The following DOT1L variants were observed in gnomAD, a reference collection of about 807,000 sequenced individuals.
DOT1L encodes the protein DOT1 like histone lysine methyltransferase.
Under a neutral mutation model 153.3 loss-of-function variants are expected in DOT1L, and 33 were observed. The observed-to-expected ratio is 0.22, with a 90% CI of 0.16 to 0.29. The LOEUF (loss-of-function observed/expected upper bound fraction) is 0.29. DOT1L is among the 10% of genes least tolerant of loss of function. The pLI, the probability that DOT1L is intolerant of heterozygous loss-of-function variation, is 1.00. For synonymous variants in DOT1L, 1,135 were observed against 965.1 expected (o/e 1.18, Z -3.26); for missense variants, 1,847 against 2,119.9 (o/e 0.87, Z 2.53).
rs778756042 is a variant in DOT1L, at chr19:2,197,188, A to G, written c.651+2611A>G. Among the ~76,000 whole-genome samples, 2 of 152,138 alleles carry G rather than the reference A, an allele frequency of 1.3e-5. No individual in the cohort carries two copies. The highest frequency in any genetic ancestry group is 2.9e-5 in the Non-Finnish European group (2 of 68,020). Reference sequence around the variant, plus strand: ...GGCTTCTGTTCTGCTGTCTTTGACCAGGACTTGCGCATCCAGGGCTGTGGG... The same window carrying G: ...GGCTTCTGTTCTGCTGTCTTTGACCGGGACTTGCGCATCCAGGGCTGTGGG... On this transcript the variant is annotated intron_variant, in intron 7 of 27. Transcript: ENST00000398665. This position sits in a 1 kb window ranked among gnomAD's most constrained non-coding sequence, Gnocchi z 4.1.
At chr19:2,192,094 T>G (rs969388139) in intron 5 of DOT1L, among the ~76,000 whole-genome samples, 3 of 152,202 alleles carry the variant, frequency 2.0e-5, no homozygotes, top group Non-Finnish European at 2.9e-5. Context: ...TGGACCTCGA[T>G]GGACATGTGA....
At position 2,226,706 on chromosome 19, in the gene DOT1L, G is replaced by T. The variant is rs2024347580; in HGVS notation, c.4185G>T (p.Pro1395=). Residue 1395 remains proline, a synonymous_variant, in exon 27 of 28, where the codon CCG becomes CCT. Coordinates refer to ENST00000398665, the MANE Select transcript of DOT1L (RefSeq NM_032482.3). ...AGGAGGCAGGGGAGGGCGGCCTACC[G>T]CTGTGCGGGCCCACGGACAAGACCC... The part of the protein sequence containing the change: ...RGKEAGEGGL[P]LCGPTDKTPL... The T allele has an allele frequency of 7.0e-6, 11 of 1,569,050 alleles. No homozygotes were observed. Among genetic ancestry groups the T allele is most frequent in the African/African-American group, 1.3e-5 (1 of 74,230 alleles).
rs370237255 is a variant in DOT1L at position 2,189,914 on chromosome 19, A to G, written c.264+119A>G. Reference sequence around the variant, plus strand: ...CCCCTTAGAGCCCCTGGGGATTGGAATGTGCAGCGTGGGGGGACGATGGGC... The same window carrying G: ...CCCCTTAGAGCCCCTGGGGATTGGAGTGTGCAGCGTGGGGGGACGATGGGC... On this transcript the variant is annotated intron_variant, in intron 4 of 27. Coordinates refer to ENST00000398665, the MANE Select transcript of DOT1L (RefSeq NM_032482.3). 40 of 1,154,238 alleles carry G rather than the reference A, an allele frequency of 3.5e-5. No homozygotes were observed. In the African/African-American group the frequency reaches 4.1e-4, roughly 12 times the overall value. The allele number at this position is 1,154,238 out of a possible 1,614,324, so 71.5% of individuals were successfully genotyped here.
At chr19:2,223,170 T>C in intron 24 of DOT1L, 111 bp from the exon 25 acceptor site, 1 of 1,193,190 alleles carries the variant, frequency 8.4e-7, no homozygotes, top group Non-Finnish European at 1.2e-6. Flanking sequence ...GGCATCAGTT[T>C]CCTCAGGAGA....
chr19:2,213,299 G>T (rs1479664826), intron 16 of DOT1L: 13 of 464,876 alleles, frequency 2.8e-5, no homozygotes, highest in Non-Finnish European at 4.7e-5. Context: ...AGTCCAGGTG[G>T]GGTGGCAGGT....
chr19:2,202,593 G>T (rs913911161), intron 8 of DOT1L, 107 bp from the exon 9 acceptor site: 5 of 1,108,274 alleles, frequency 4.5e-6, no homozygotes, highest in Admixed American at 1.9e-5. Context: ...GGTGGCGGGC[G>T]GGTGTGGGCA....
intron 1 of DOT1L, among the ~76,000 whole-genome samples, chr19:2,165,356 G>A (rs1383979330): frequency 6.6e-6 from 1 of 152,154 alleles, no homozygotes; most frequent in Non-Finnish European, 1.5e-5. Flanking sequence ...GAGAGCGCTG[G>A]GGAGCCCGGG....
rs887307006 is a variant in DOT1L at position 2,185,727 on chromosome 19, A to G, written c.126-128A>G. ...GAGCTTGCAGTGAGCCAAGATCACG[A>G]CACTGCACTCCAGCCTGGGCAACAG... On this transcript the variant is annotated intron_variant, in intron 2 of 27. Coordinates refer to ENST00000398665, the MANE Select transcript of DOT1L (RefSeq NM_032482.3). 1.2e-5 allele frequency: 11 copies of G among 947,424 alleles called. No homozygotes were observed. The African/African-American group carries it at 1.5e-4, about 13-fold the overall frequency. The allele number at this position is 947,424 out of a possible 1,614,324, so 58.7% of individuals were successfully genotyped here. A position where few individuals can be genotyped will look rare whatever the true frequency, so the allele number is the denominator to read the frequency against.
rs144012798 is a variant in DOT1L, at chr19:2,223,217, G to T, written c.3391-64G>T. ...AGACAGGAGCCTCCTGGGGCGGGGG[G>T]GCTCTCCTGCCTTGGGGTCCCGGGT... On this transcript the variant is annotated intron_variant, in intron 24 of 27. Coordinates refer to ENST00000398665, the MANE Select transcript of DOT1L (RefSeq NM_032482.3). The T allele has an allele frequency of 6.1e-4, 957 of 1,571,784 alleles. 4 individuals are homozygous for T. In the African/African-American group the frequency reaches 0.012, roughly 19 times the overall value.
Position 2,217,726 on chromosome 19 carries a change from G to A in DOT1L, c.2545-46G>A, listed in dbSNP as rs755269084. On this transcript the variant is annotated intron_variant, in intron 21 of 27. Transcript: ENST00000398665. The surrounding 1 kb of genome is among the most constrained non-coding windows in gnomAD (Gnocchi z 7.3). ...CTGTGGCTGTGGTCCCTGTGTCCTGGAGGGGTTTGTTGACCCACGACTGGG... is the reference window on the plus strand; with the variant it reads ...CTGTGGCTGTGGTCCCTGTGTCCTGAAGGGGTTTGTTGACCCACGACTGGG... 2 of 1,570,998 alleles carry A rather than the reference G, an allele frequency of 1.3e-6. No individual in the cohort carries two copies. The highest frequency in any genetic ancestry group is 3.7e-5 in the Admixed American group (2 of 54,140).
In DOT1L at chr19:2,222,313, C is replaced by T; in HGVS notation, c.3144C>T (p.Thr1048=). The T allele has an allele frequency of 1.9e-6, 3 of 1,613,030 alleles. No individual in the cohort carries two copies. Among genetic ancestry groups the T allele is most frequent in the African/African-American group, 1.3e-5 (1 of 75,052 alleles). ...ESEAKRRIVF[T]ITTGAGSAKQ... is the part of the protein sequence containing the mutation. ...AAGCCAAGAGGAGGATTGTGTTCACCATCACCACTGGTGCGGGCAGTGCCA... is the reference window on the plus strand; with the variant it reads ...AAGCCAAGAGGAGGATTGTGTTCACTATCACCACTGGTGCGGGCAGTGCCA... Residue 1048 remains threonine (T), a synonymous_variant, in exon 24 of 28, where the codon ACC becomes ACT. Coordinates refer to ENST00000398665, the MANE Select transcript of DOT1L (RefSeq NM_032482.3). The surrounding 1 kb of genome is among the most constrained non-coding windows in gnomAD (Gnocchi z 6.5).
At chr19:2,175,605 G>C (rs1030845063) in intron 1 of DOT1L, among the ~76,000 whole-genome samples, 1 of 152,198 alleles carries the variant, frequency 6.6e-6, no homozygotes, top group Non-Finnish European at 1.5e-5. Flanking sequence ...GAGGTGGGTG[G>C]ATCATCTGAG....
intron 7 of DOT1L, among the ~76,000 whole-genome samples, chr19:2,195,792 G>A (rs1305390635): frequency 1.3e-5 from 2 of 152,228 alleles, no homozygotes; most frequent in African/African-American, 4.8e-5. Context: ...AGGTGCCTGC[G>A]ACGACCCAGT....
At chr19:2,206,070 C>T (rs892362898) in intron 9 of DOT1L, among the ~76,000 whole-genome samples, 2 of 150,918 alleles carry the variant, frequency 1.3e-5, no homozygotes, top group Admixed American at 6.6e-5. Flanking sequence ...GATCTCGACT[C>T]ACTTGCAGCT....
In DOT1L at chr19:2,206,715, T is replaced by C; in HGVS notation, c.788-14T>C. 4 of 1,613,694 alleles carry C rather than the reference T, an allele frequency of 2.5e-6. No homozygotes were observed. Among genetic ancestry groups the C allele is most frequent in the Non-Finnish European group, 3.4e-6 (4 of 1,179,710 alleles). On this transcript the variant is annotated splice_polypyrimidine_tract_variant and intron_variant, in intron 9 of 27. Transcript: ENST00000398665. ...CTCTCTCCTGTGTGGCAGTAAGCAG[T>C]GTCTGTGTTTCAGGTGGCAGAATCG...
In DOT1L at chr19:2,174,383, C is replaced by A. The variant is rs532566241; in HGVS notation, c.82-6330C>A. On this transcript the variant is annotated intron_variant, in intron 1 of 27. Coordinates refer to ENST00000398665, the MANE Select transcript of DOT1L (RefSeq NM_032482.3). ...CCTGTGTGGACCTTGGGTTGAGGGT[C>A]AAGTCTAAAAATGCTCTGTCAGGTT... Among the ~76,000 whole-genome samples the A allele has an allele frequency of 3.3e-5, 5 of 152,116 alleles. No individual in the cohort carries two copies. The East Asian group carries it at 9.6e-4, about 29-fold the overall frequency.
chr19:2,191,384 C>T lies in DOT1L; in HGVS notation c.493+144C>T, dbSNP rs1008304385. The T allele has an allele frequency of 5.5e-5, 46 of 831,842 alleles. No homozygotes were observed. The highest frequency in any genetic ancestry group is 1.4e-4 in the Admixed American group (6 of 42,874). 51.5% of individuals were successfully genotyped at this position (831,842 alleles called of 1,614,324 possible). On this transcript the variant is annotated intron_variant, in intron 5 of 27. Transcript: ENST00000398665. This position sits in a 1 kb window ranked among gnomAD's most constrained non-coding sequence, Gnocchi z 6.8. ...CTTCCTTCTCCCAGCGCCTCTGTCC[C>T]GCTGTGGGGCCGTTCCTTTCCCCAG... is the stretch of plus-strand genomic sequence containing the variant.
rs1459176986 is a variant in DOT1L, at chr19:2,220,485, C to T, written c.2806+263C>T. ...CCTGCTTGGGTGTATTAATTCAGCCCGTGAGGTCGGCCCCAGTGCTCTCGG... is the reference window on the plus strand; with the variant it reads ...CCTGCTTGGGTGTATTAATTCAGCCTGTGAGGTCGGCCCCAGTGCTCTCGG... On this transcript the variant is annotated intron_variant, in intron 23 of 27. Coordinates refer to ENST00000398665, the MANE Select transcript of DOT1L (RefSeq NM_032482.3). This position sits in a 1 kb window ranked among gnomAD's most constrained non-coding sequence, Gnocchi z 4.5. The T allele has an allele frequency of 1.2e-5, 7 of 565,204 alleles. No homozygotes were observed. The highest frequency in any genetic ancestry group is 4.4e-5 in the Admixed American group (2 of 45,444). 35.0% of individuals were successfully genotyped at this position (565,204 alleles called of 1,614,324 possible).
At position 2,189,632 on chromosome 19, in the gene DOT1L, G is replaced by A. The variant is rs920214702; in HGVS notation, c.201-100G>A. On this transcript the variant is annotated intron_variant, in intron 3 of 27. Coordinates refer to ENST00000398665, the MANE Select transcript of DOT1L (RefSeq NM_032482.3). ...AGCTGGCTGGTGGCTGTCCAGGCAG[G>A]GACCACACCTTGGAGCCTGCCTTAT... The A allele has an allele frequency of 6.5e-6, 9 of 1,380,508 alleles. No homozygotes were observed. In the African/African-American group the frequency reaches 1.3e-4, roughly 20 times the overall value. The allele number at this position is 1,380,508 out of a possible 1,614,324, so 85.5% of individuals were successfully genotyped here.
Sources: allele counts gnomAD v4.1 joint callset (sites outside exome capture counted in the v4.1 genomes callset), GRCh38; gene constraint gnomAD v4.1.1; non-coding constraint Gnocchi (gnomAD v3.1); transcripts MANE v1.5; gene names NCBI Gene and HGNC (gene_info 2026-07-23, HGNC 2026-07-21).